The following TRAP1 variants were observed in gnomAD, a reference collection of about 807,000 sequenced individuals.
TRAP1 encodes the protein heat shock protein 75 kDa, mitochondrial.
In TRAP1, 102 loss-of-function variants were observed where a neutral mutation model predicts 89.1. The ratio of observed to expected loss-of-function variants is 1.15; its 90% CI spans 0.98 to 1.35. The LOEUF is 1.35. Among genes scored for constraint, TRAP1 ranks in the 40% most tolerant of loss-of-function variants. TRAP1 has a pLI of 0.00. For synonymous variants in TRAP1, 508 were observed against 388.0 expected, an observed-to-expected ratio of 1.31 and a Z score of -3.64; for missense variants, 1,256 against 945.3, an observed-to-expected ratio of 1.33 and a Z score of -4.31.
chr16:3,690,833 C>G lies in TRAP1; in HGVS notation c.241G>C (p.Val81Leu), dbSNP rs574756274. ...AAGCACGAGCCAAGGCTACCCTGCACGCTCTCTGTGCTGCTGATAATCGAG... is the reference window on the plus strand; with the variant it reads ...AAGCACGAGCCAAGGCTACCCTGCAGGCTCTCTGTGCTGCTGATAATCGAG... The part of the protein sequence containing the change: ...LHSIISSTES[V>L]QGSTSKHEFQ... The change falls in exon 2 of 18, where the codon GTG becomes CTG. Residue 81 changes from valine to leucine, a missense_variant. Val to Leu is a conservative substitution (Grantham distance 32, BLOSUM62 1). Coordinates refer to ENST00000246957, the MANE Select transcript of TRAP1 (RefSeq NM_016292.3). 11 of 1,486,346 alleles carry G rather than the reference C, an allele frequency of 7.4e-6. No individual in the cohort carries two copies. The highest frequency in any genetic ancestry group is 9.9e-6 in the Non-Finnish European group (11 of 1,113,320). 92.1% of individuals were successfully genotyped at this position (1,486,346 alleles called of 1,614,324 possible). A position where few individuals can be genotyped will look rare whatever the true frequency, so the allele number is the denominator to read the frequency against.
intron 13 of TRAP1, 194 bp from the exon 14 acceptor site, chr16:3,663,756 G>A: frequency 1.6e-6 from 1 of 639,190 alleles, no homozygotes; most frequent in Non-Finnish European, 2.7e-6. Flanking sequence ...CTGCCTTCAA[G>A]GCAGAAGCAC....
chr16:3,663,691 G>C, intron 13 of TRAP1, 129 bp from the exon 14 acceptor site: 2 of 1,207,142 alleles, frequency 1.7e-6, no homozygotes, highest in East Asian at 2.5e-5. Flanking sequence ...GGCAGTTGGG[G>C]TTCCTAGGCC....
At chr16:3,704,386 CG>C (rs1280988839) in intron 1 of TRAP1, 2 of 152,050 alleles carry the variant, frequency 1.3e-5, no homozygotes, top group African/African-American at 4.8e-5. Flanking sequence ...TAAAAACTTA[CG>C]AGAAACATAA....
chr16:3,669,230 G>A lies in TRAP1; in HGVS notation c.1235+2492C>T, dbSNP rs74005843. Among the ~76,000 whole-genome samples, 769 of 152,254 alleles carry A rather than the reference G, an allele frequency of 5.1e-3. 8 individuals carry two copies. Among genetic ancestry groups the A allele is most frequent in the African/African-American group, 0.017 (720 of 41,558 alleles). ...TCACCAGTAACCCACAGGCGCACTC[G>A]AAGTGCACAGGGTCAGTACACCAAA... is the stretch of plus-strand genomic sequence containing the variant. On this transcript the variant is annotated intron_variant, in intron 11 of 17. Transcript: ENST00000246957.
chr16:3,679,951 C>T (rs1033202325), intron 4 of TRAP1, 161 bp from the exon 5 acceptor site: 18 of 660,758 alleles, frequency 2.7e-5, no homozygotes, highest in South Asian at 1.2e-4. Flanking sequence ...TTCTAGGGGC[C>T]GGGAGTGATG....
chr16:3,665,030 A>C (rs1362637716), intron 12 of TRAP1: 1 of 154,078 alleles, frequency 6.5e-6, no homozygotes, highest in Admixed American at 6.5e-5. Context: ...AGGGAAAAGC[A>C]AGGAGCTGGA....
chr16:3,668,242 T>C (rs1299319458), intron 11 of TRAP1, among the ~76,000 whole-genome samples: 3 of 151,850 alleles, frequency 2.0e-5, no homozygotes, highest in Admixed American at 2.0e-4. Context: ...ATTTTTTAAG[T>C]AGAGACGGGG....
intron 1 of TRAP1, among the ~76,000 whole-genome samples, chr16:3,716,669 C>A (rs755427847): frequency 6.6e-6 from 1 of 152,224 alleles, no homozygotes; most frequent in Non-Finnish European, 1.5e-5. Context: ...TATATTTACA[C>A]GTATAACACT....
Position 3,674,473 on chromosome 16 carries a change from T to C in TRAP1, c.910A>G (p.Lys304Glu), listed in dbSNP as rs776857761. Residue 304 changes from lysine to glutamate, a missense_variant, in exon 9 of 18, where the codon AAG becomes GAG. Transcript: ENST00000246957. ...TCATGTTGCCACTCACGGACATCCT[T>C]GGGGTCCATCATCCAGATGGCCTGG... ...TLQAIWMMDP[K>E]DVREWQHEEF... 6.2e-7 allele frequency: 1 copy of C among 1,613,934 alleles called. No homozygotes were observed. The highest frequency in any genetic ancestry group is 8.5e-7 in the Non-Finnish European group (1 of 1,179,972).
chr16:3,670,144 A>G (rs1567228017), intron 11 of TRAP1, among the ~76,000 whole-genome samples: 1 of 152,024 alleles, frequency 6.6e-6, no homozygotes, highest in Non-Finnish European at 1.5e-5. Context: ...GCACTTTGGG[A>G]GGCCAAGGCA....
In TRAP1 at chr16:3,671,766, G is replaced by C; in HGVS notation, c.1191C>G (p.Pro397=). 2 of 1,613,194 alleles carry C rather than the reference G, an allele frequency of 1.2e-6. No individual in the cohort carries two copies. The highest frequency in any genetic ancestry group is 1.7e-6 in the Non-Finnish European group (2 of 1,180,024). ...IRGVVDSEDI[P]LNLSRELLQE... ...GCAGCAGCTCCCGGCTGAGGTTCAG[G>C]GGAATGTCCTCACTGTCCACCACAC... is the stretch of plus-strand genomic sequence containing the variant. The change falls in exon 11 of 18, where the codon CCC becomes CCG. Residue 397 remains proline, a synonymous_variant. Coordinates refer to ENST00000246957, the MANE Select transcript of TRAP1 (RefSeq NM_016292.3).
chr16:3,687,470 C>T (rs529024256), intron 3 of TRAP1: 2 of 152,430 alleles, frequency 1.3e-5, no homozygotes, highest in South Asian at 4.2e-4. Context: ...AGCTTCATCT[C>T]ATCTAGTGGG....
At chr16:3,664,556 T>TG in intron 12 of TRAP1, 97 bp from the exon 13 acceptor site, 1 of 1,338,502 alleles carries the variant, frequency 7.5e-7, no homozygotes, top group South Asian at 1.4e-5. Context: ...CATGGCCTCC[T>TG]GGCACTCCAG....
rs1328982120 is a variant in TRAP1, at chr16:3,710,684, G to A, written c.88+6737C>T. ...CAAGTGTGAACTAACATGGCAATGT[G>A]CTGTCTTAATTTCTCCTTCGAGGTG... On this transcript the variant is annotated intron_variant, in intron 1 of 17. Transcript: ENST00000246957. Among the ~76,000 whole-genome samples, 3 of 152,082 alleles carry A rather than the reference G, an allele frequency of 2.0e-5. No homozygotes were observed. In the East Asian group the frequency reaches 5.8e-4, roughly 29 times the overall value.
At chr16:3,713,997 T>A (rs2051565431) in intron 1 of TRAP1, among the ~76,000 whole-genome samples, 1 of 152,174 alleles carries the variant, frequency 6.6e-6, no homozygotes, top group African/African-American at 2.4e-5. Flanking sequence ...TCCTGCACAC[T>A]CCCGCAAGTC....
intron 1 of TRAP1, among the ~76,000 whole-genome samples, chr16:3,709,654 T>TG (rs1555468131): frequency 5.4e-4 from 82 of 152,016 alleles, no homozygotes; most frequent in African/African-American, 1.7e-3. Flanking sequence ...TCCCTTTTTT[T>TG]TGTGTGTGTG....
At position 3,671,729 on chromosome 16, in the gene TRAP1, G is replaced by T; in HGVS notation, c.1228C>A (p.Leu410Ile). The T allele has an allele frequency of 1.2e-6, 2 of 1,612,940 alleles. No homozygotes were observed. Among genetic ancestry groups the T allele is most frequent in the Non-Finnish European group, 8.5e-7 (1 of 1,180,026 alleles). ...LSRELLQESA[L>I]IRKLRDVLQQ... is the part of the protein sequence containing the mutation. ...CCGCGGCCCGAGGCTCACCTGATGA[G>T]TGCGCTCTCCTGCAGCAGCTCCCGG... The change falls in exon 11 of 18, where the codon CTC (leucine) becomes ATC (isoleucine). Residue 410 changes from leucine (L) to isoleucine (I), a missense_variant. By Grantham distance (5) the Leu-to-Ile change is conservative. Transcript: ENST00000246957.
intron 1 of TRAP1, among the ~76,000 whole-genome samples, chr16:3,713,654 G>C (rs2051561045): frequency 6.6e-6 from 1 of 152,194 alleles, no homozygotes; most frequent in South Asian, 2.1e-4. Context: ...TGGTGATTGT[G>C]GCAGTCACCT....
chr16:3,663,003 C>A, intron 14 of TRAP1, 36 bp from the exon 15 acceptor site: 1 of 1,532,562 alleles, frequency 6.5e-7, no homozygotes, highest in Non-Finnish European at 8.8e-7. Context: ...CTCAGGCCTG[C>A]ATCCCAACTC....
Sources: gnomAD v4.1 joint callset for allele counts (sites outside exome capture counted in the v4.1 genomes callset) on GRCh38, gnomAD v4.1.1 for gene constraint, MANE v1.5 for transcripts, NCBI Gene and HGNC (gene_info 2026-07-23, HGNC 2026-07-21) for gene names.